TRAPPC9: variants seen among roughly 807,000 people sequenced by gnomAD.
The protein encoded by TRAPPC9 is trafficking protein particle complex subunit 9, also known as IKK2 binding protein.
In TRAPPC9, 83 loss-of-function variants were observed where a neutral mutation model predicts 124.0. That is an observed-to-expected ratio of 0.67 (90% CI 0.56 to 0.80). The LOEUF is 0.80. Ranked by LOEUF, TRAPPC9 falls within the 30% of genes least tolerant of loss-of-function variation. The probability of loss-of-function intolerance (pLI) is 0.00; values close to 1 mark genes in which losing one functional copy is unlikely to be tolerated. For missense variants in TRAPPC9, 1,302 were observed against 1,508.3 expected (o/e 0.86, Z 2.27); for synonymous variants, 638 against 617.5 (o/e 1.03, Z -0.49).
intron 9 of TRAPPC9, among the ~76,000 whole-genome samples, chr8:140,344,729 G>C (rs1174391517): frequency 6.6e-6 from 1 of 152,280 alleles, no homozygotes; most frequent in Non-Finnish European, 1.5e-5. Context: ...GGCTGGTGCT[G>C]AGTGAATGTG....
At chr8:140,139,768 A>T (rs1159428690) in intron 17 of TRAPPC9, among the ~76,000 whole-genome samples, 1 of 152,106 alleles carries the variant, frequency 6.6e-6, no homozygotes, top group African/African-American at 2.4e-5. Flanking sequence ...CGGACAGTGA[A>T]TGGGCAGGGG....
At chr8:140,205,623 C>T (rs932034038) in intron 17 of TRAPPC9, among the ~76,000 whole-genome samples, 5 of 152,172 alleles carry the variant, frequency 3.3e-5, no homozygotes, top group African/African-American at 1.2e-4. Context: ...AAGAGAACAA[C>T]TCAAATGGAT....
chr8:140,230,348 C>A (rs1029523287), intron 16 of TRAPPC9, among the ~76,000 whole-genome samples: 1 of 152,208 alleles, frequency 6.6e-6, no homozygotes, highest in Admixed American at 6.5e-5. Flanking sequence ...GTGGCTCATG[C>A]CTGTAATCCC....
intron 17 of TRAPPC9, among the ~76,000 whole-genome samples, chr8:140,128,354 C>T (rs1318464909): frequency 2.6e-5 from 4 of 152,246 alleles, no homozygotes; most frequent in Non-Finnish European, 5.9e-5. Context: ...GCAAGCCATC[C>T]ATGGGAGATG....
intron 21 of TRAPPC9, among the ~76,000 whole-genome samples, chr8:139,754,080 G>A (rs1238671630): frequency 6.6e-6 from 1 of 152,206 alleles, no homozygotes; most frequent in Non-Finnish European, 1.5e-5. Context: ...TCTTAGCTCA[G>A]GCTGGCTCTG....
intron 21 of TRAPPC9, among the ~76,000 whole-genome samples, chr8:139,797,996 C>A (rs1477688598): frequency 6.6e-6 from 1 of 152,110 alleles, no homozygotes; most frequent in Non-Finnish European, 1.5e-5. Context: ...CTTGAATTTC[C>A]ATATGAATTT....
intron 21 of TRAPPC9, among the ~76,000 whole-genome samples, chr8:139,855,735 C>T (rs1201001520): frequency 6.6e-6 from 1 of 152,232 alleles, no homozygotes; most frequent in African/African-American, 2.4e-5. Context: ...GGGGCATGTC[C>T]TGTCTTCTGC....
At chr8:139,839,042 G>A (rs1243465883) in intron 21 of TRAPPC9, among the ~76,000 whole-genome samples, 1 of 152,210 alleles carries the variant, frequency 6.6e-6, no homozygotes, top group African/African-American at 2.4e-5. Context: ...TGCATCTCCT[G>A]AATAACGCCA....
intron 6 of TRAPPC9, among the ~76,000 whole-genome samples, chr8:140,404,626 A>G (rs2069405738): frequency 6.6e-6 from 1 of 152,242 alleles, no homozygotes; most frequent in African/African-American, 2.4e-5. Context: ...GCAAGTGCAG[A>G]ATAACATACT....
chr8:140,057,883 G>A (rs1190010121), intron 17 of TRAPPC9, among the ~76,000 whole-genome samples: 1 of 152,214 alleles, frequency 6.6e-6, no homozygotes, highest in African/African-American at 2.4e-5. Context: ...CATGCAGTAG[G>A]TGGCCCAGCG....
intron 17 of TRAPPC9, among the ~76,000 whole-genome samples, chr8:140,142,073 T>C (rs1302953021): frequency 6.6e-6 from 1 of 152,182 alleles, no homozygotes. Flanking sequence ...TGCAGCAGCA[T>C]TCATGCTGGG....
At chr8:140,394,950 A>G (rs2069045345) in intron 7 of TRAPPC9, among the ~76,000 whole-genome samples, 1 of 151,934 alleles carries the variant, frequency 6.6e-6, no homozygotes, top group Admixed American at 6.6e-5. Context: ...GCTGAACCCC[A>G]CGTAGGTCCC....
chr8:139,839,021 T>C (rs1826552697), intron 21 of TRAPPC9, among the ~76,000 whole-genome samples: 1 of 152,188 alleles, frequency 6.6e-6, no homozygotes, highest in South Asian at 2.1e-4. Context: ...GGGAAGGCCC[T>C]ATTTAGAAGA....
chr8:140,325,446 AAGG>A (rs2066710933), intron 9 of TRAPPC9, among the ~76,000 whole-genome samples: 2 of 152,236 alleles, frequency 1.3e-5, no homozygotes, highest in South Asian at 4.1e-4. Flanking sequence ...CAGGAATAAA[AAGG>A]AGGCAGATCC....
intron 17 of TRAPPC9, among the ~76,000 whole-genome samples, chr8:140,165,335 C>A (rs886270365): frequency 6.7e-6 from 1 of 150,102 alleles, no homozygotes; most frequent in Non-Finnish European, 1.5e-5. Flanking sequence ...AGTGAGATTC[C>A]GTCTCAAAAG....
chr8:140,352,260 T>C (rs1232290763), intron 9 of TRAPPC9, among the ~76,000 whole-genome samples: 1 of 152,240 alleles, frequency 6.6e-6, no homozygotes, highest in Non-Finnish European at 1.5e-5. Flanking sequence ...GATGGATAAA[T>C]TGTAGGGCAC....
intron 21 of TRAPPC9, among the ~76,000 whole-genome samples, chr8:139,857,733 C>T (rs979220312): frequency 9.8e-5 from 15 of 152,356 alleles, no homozygotes; most frequent in African/African-American, 2.2e-4. Context: ...CCAGGAAGCA[C>T]GAGGCTGGGT....
intron 17 of TRAPPC9, among the ~76,000 whole-genome samples, chr8:140,028,890 T>C (rs959932827): frequency 1.3e-5 from 2 of 152,158 alleles, no homozygotes; most frequent in African/African-American, 4.8e-5. Flanking sequence ...GATTAGACAA[T>C]TATCAATTGA....
chr8:139,752,260 T>G (rs1819366371), intron 21 of TRAPPC9, among the ~76,000 whole-genome samples: 2 of 148,286 alleles, frequency 1.3e-5, no homozygotes, highest in South Asian at 4.4e-4. Context: ...CCATCTACCA[T>G]CCATCCATCC....
Sources: gnomAD v4.1 joint callset for allele counts (sites outside exome capture counted in the v4.1 genomes callset) on GRCh38, gnomAD v4.1.1 for gene constraint, MANE v1.5 for transcripts, NCBI Gene and HGNC (gene_info 2026-07-23, HGNC 2026-07-21) for gene names.